Variants in APOO observed in about 807,000 individuals in gnomAD.
The protein encoded by APOO is apolipoprotein O.
A neutral mutation model predicts 23.1 loss-of-function variants in APOO; 11 were observed. The ratio of observed to expected loss-of-function variants is 0.48; its 90% CI spans 0.30 to 0.79. The LOEUF (loss-of-function observed/expected upper bound fraction) is 0.79. APOO is among the 30% of genes least tolerant of loss of function. The probability of loss-of-function intolerance (pLI) is 0.07; values close to 1 mark genes in which losing one functional copy is unlikely to be tolerated. For synonymous variants in APOO, 59 were observed against 54.8 expected, an observed-to-expected ratio of 1.08 and a Z score of -0.34; for missense variants, 160 against 142.7, an observed-to-expected ratio of 1.12 and a Z score of -0.62.
At chrX:23,844,262 A>G (rs985115349) in intron 7 of APOO, among the ~76,000 whole-genome samples, 9 of 111,888 alleles carry the variant, frequency 8.0e-5, no homozygotes, top group African/African-American at 2.6e-4. Flanking sequence ...ATGACCTGTT[A>G]AAGACCCCAA....
chrX:23,844,112 C>A (rs1924125835), intron 7 of APOO, among the ~76,000 whole-genome samples: 1 of 111,772 alleles, frequency 8.9e-6, no homozygotes, highest in African/African-American at 3.2e-5. Context: ...ATAATAGAAC[C>A]CACCTCAAAG....
At chrX:23,893,763 G>A (rs1479656502) in intron 1 of APOO, among the ~76,000 whole-genome samples, 1 of 110,032 alleles carries the variant, frequency 9.1e-6, no homozygotes, top group Non-Finnish European at 1.9e-5. Flanking sequence ...GTAGAGATGG[G>A]GTTTCTCCAT....
At chrX:23,849,609 A>AAAAAGG (rs1311653969) in intron 7 of APOO, among the ~76,000 whole-genome samples, 26 of 94,455 alleles carry the variant, frequency 2.8e-4, no homozygotes, top group African/African-American at 8.1e-4. Context: ...AAAAAAAAAA[A>AAAAAGG]GTTCGGGCAT....
chrX:23,861,963 C>T (rs1925067730), intron 5 of APOO, among the ~76,000 whole-genome samples: 1 of 109,599 alleles, frequency 9.1e-6, no homozygotes, highest in South Asian at 3.9e-4. Context: ...TCCACCACAC[C>T]CGGCTATTTT....
chrX:23,887,551 T>C lies in APOO; in HGVS notation c.10-6599A>G, dbSNP rs775798865. Among the ~76,000 whole-genome samples, 3 of 110,800 alleles carry C rather than the reference T, an allele frequency of 2.7e-5. No individual in the cohort carries two copies. In the East Asian group the frequency reaches 8.5e-4, roughly 31 times the overall value. ...CCGGCCTCCCCCAAACTTTTTCTGA[T>C]GCAGGGCTGTAATCTCTAGACTGCA... On this transcript the variant is annotated intron_variant, in intron 1 of 8. Coordinates refer to ENST00000379226, the MANE Select transcript of APOO (RefSeq NM_024122.5).
intron 4 of APOO, among the ~76,000 whole-genome samples, chrX:23,871,883 C>T (rs758922643): frequency 5.4e-5 from 6 of 111,794 alleles, no homozygotes; most frequent in South Asian, 3.7e-4. Context: ...ACCAGATACA[C>T]GCCAGTTTTC....
At chrX:23,834,878 C>T (rs1359850425) in intron 8 of APOO, among the ~76,000 whole-genome samples, 4 of 108,100 alleles carry the variant, frequency 3.7e-5, no homozygotes, top group African/African-American at 1.3e-4. Flanking sequence ...CCCGCCACCA[C>T]ACCCAGCTAA....
At chrX:23,840,422 T>C (rs750558000) in intron 7 of APOO, 45 bp from the exon 8 acceptor site, 13 of 1,094,570 alleles carry the variant, frequency 1.2e-5, no homozygotes, top group African/African-American at 1.1e-4. Flanking sequence ...TGAAAAGAAA[T>C]AGTGCAACTC....
At chrX:23,869,665 A>G (rs1925511753) in intron 4 of APOO, among the ~76,000 whole-genome samples, 1 of 102,745 alleles carries the variant, frequency 9.7e-6, no homozygotes. Flanking sequence ...AAAAAAAAAA[A>G]GGAAGGCCAG....
At chrX:23,896,536 C>A (rs1449791763) in intron 1 of APOO, among the ~76,000 whole-genome samples, 1 of 111,739 alleles carries the variant, frequency 8.9e-6, no homozygotes, top group Non-Finnish European at 1.9e-5. Flanking sequence ...TCTATCCTCT[C>A]AAAACGACTG....
chrX:23,837,539 A>ATGTT (rs1923752631), intron 8 of APOO, among the ~76,000 whole-genome samples: 2 of 110,410 alleles, frequency 1.8e-5, no homozygotes, highest in African/African-American at 3.3e-5. Context: ...AACTTGTAAA[A>ATGTT]CAATATGTGG....
At chrX:23,848,652 T>C (rs1218378114) in intron 7 of APOO, among the ~76,000 whole-genome samples, 1 of 109,920 alleles carries the variant, frequency 9.1e-6, no homozygotes, top group African/African-American at 3.3e-5. Context: ...TTTGAGAAAA[T>C]GAAACAATAG....
At chrX:23,842,881 G>A (rs1188254385) in intron 7 of APOO, among the ~76,000 whole-genome samples, 1 of 111,713 alleles carries the variant, frequency 9.0e-6, no homozygotes, top group African/African-American at 3.3e-5. Context: ...GGTGGCGCAT[G>A]CCTGTAATCC....
intron 5 of APOO, among the ~76,000 whole-genome samples, chrX:23,863,905 G>T (rs938315583): frequency 9.0e-6 from 1 of 110,743 alleles, no homozygotes; most frequent in African/African-American, 3.3e-5. Flanking sequence ...GATGAAACTA[G>T]AGAATACACA....
intron 1 of APOO, among the ~76,000 whole-genome samples, chrX:23,898,436 T>C (rs1926996244): frequency 9.0e-6 from 1 of 110,683 alleles, no homozygotes; most frequent in Non-Finnish European, 1.9e-5. Flanking sequence ...CAGACCACCA[T>C]GTGCACAGAG....
chrX:23,889,883 A>G (rs189754280), intron 1 of APOO, among the ~76,000 whole-genome samples: 2,793 of 109,232 alleles, frequency 0.026, 58 homozygotes, highest in African/African-American at 0.066. Flanking sequence ...GGATGGTCTC[A>G]ATCTTCTGAC....
chrX:23,848,687 T>C (rs1200515286), intron 7 of APOO, among the ~76,000 whole-genome samples: 1 of 108,119 alleles, frequency 9.2e-6, no homozygotes, highest in African/African-American at 3.4e-5. Flanking sequence ...CATTTTCTTT[T>C]CTTTTTTTTT....
At chrX:23,840,648 G>C in intron 7 of APOO, 1 of 234,104 alleles carries the variant, frequency 4.3e-6, no homozygotes, top group Non-Finnish European at 7.5e-6. Context: ...GCTCTCTGAG[G>C]GCCCTACTGT....
At chrX:23,851,482 C>T (rs193165290) in intron 7 of APOO, among the ~76,000 whole-genome samples, 247 of 111,976 alleles carry the variant, frequency 2.2e-3, no homozygotes, top group Middle Eastern at 4.6e-3. Context: ...CGTGAGCCAC[C>T]GCGCCCCACG....
Sources: allele counts gnomAD v4.1 joint callset (sites outside exome capture counted in the v4.1 genomes callset), GRCh38; gene constraint gnomAD v4.1.1; transcripts MANE v1.5; gene names NCBI Gene and HGNC (gene_info 2026-07-23, HGNC 2026-07-21).